Variants in RGS7 observed in about 807,000 individuals in gnomAD.
RGS7 encodes regulator of G protein signaling 7, also known as regulator of G-protein signaling 7.
Under a neutral mutation model 81.1 loss-of-function variants are expected in RGS7, and 27 were observed. That is an observed-to-expected ratio of 0.33 (90% CI 0.25 to 0.46). RGS7 has a LOEUF of 0.46. Ranked by LOEUF, RGS7 falls within the 20% of genes least tolerant of loss-of-function variation. The pLI is 1.00. For missense variants in RGS7, 396 were observed against 607.4 expected (o/e 0.65, Z 3.66); for synonymous variants, 208 against 207.7 (o/e 1.00, Z -0.01).
intron 2 of RGS7, among the ~76,000 whole-genome samples, chr1:241,131,313 T>C (rs1410194074): frequency 6.6e-6 from 1 of 152,216 alleles, no homozygotes; most frequent in East Asian, 1.9e-4. Flanking sequence ...AAGATGAGGA[T>C]GTTATTTCAC....
intron 3 of RGS7, among the ~76,000 whole-genome samples, chr1:241,019,009 C>T (rs1057029970): frequency 1.3e-5 from 2 of 152,086 alleles, no homozygotes; most frequent in Non-Finnish European, 2.9e-5. Context: ...CTTTCCCCTG[C>T]GAAGGCCATG....
At chr1:240,810,384 A>G (rs564081519) in intron 14 of RGS7, among the ~76,000 whole-genome samples, 1 of 151,848 alleles carries the variant, frequency 6.6e-6, no homozygotes, top group African/African-American at 2.4e-5. Context: ...AGGAATGTCC[A>G]TCTCCCTAGC....
chr1:240,842,966 C>T (rs574692005), intron 9 of RGS7, among the ~76,000 whole-genome samples: 6 of 151,918 alleles, frequency 3.9e-5, no homozygotes, highest in African/African-American at 7.3e-5. Context: ...AGTTCTAGAC[C>T]AGCCTGGCCA....
intron 9 of RGS7, among the ~76,000 whole-genome samples, chr1:240,831,277 A>T (rs1333060709): frequency 6.6e-6 from 1 of 152,206 alleles, no homozygotes; most frequent in Non-Finnish European, 1.5e-5. Context: ...CTTGAAGATT[A>T]AAAAAGCTTA....
intron 2 of RGS7, among the ~76,000 whole-genome samples, chr1:241,124,781 A>G (rs1438180095): frequency 2.0e-5 from 3 of 152,180 alleles, no homozygotes; most frequent in Non-Finnish European, 4.4e-5. Flanking sequence ...CATGTGAGAC[A>G]TATCTCGGGA....
chr1:241,184,036 G>A (rs2071874405), intron 2 of RGS7, among the ~76,000 whole-genome samples: 2 of 152,178 alleles, frequency 1.3e-5, no homozygotes, highest in Admixed American at 1.3e-4. Flanking sequence ...GTGGATCCTG[G>A]AAGCAAAGGC....
At chr1:240,821,251 G>A (rs180969651) in intron 10 of RGS7, among the ~76,000 whole-genome samples, 1 of 152,122 alleles carries the variant, frequency 6.6e-6, no homozygotes, top group Admixed American at 6.5e-5. Context: ...TCAGGAGTTC[G>A]AGACCAGTCT....
chr1:241,301,352 C>G (rs996003428), intron 2 of RGS7, among the ~76,000 whole-genome samples: 2 of 152,244 alleles, frequency 1.3e-5, no homozygotes, highest in African/African-American at 4.8e-5. Context: ...AACGAGTTCT[C>G]AAATTCCCTG....
chr1:240,855,020 T>C (rs141904357), intron 9 of RGS7, among the ~76,000 whole-genome samples: 25 of 152,244 alleles, frequency 1.6e-4, no homozygotes, highest in African/African-American at 5.8e-4. Context: ...CCACAATTTT[T>C]CAGAGTATAA....
intron 3 of RGS7, among the ~76,000 whole-genome samples, chr1:241,051,297 AACAG>A (rs1666441606): frequency 6.6e-6 from 1 of 152,166 alleles, no homozygotes; most frequent in African/African-American, 2.4e-5. Context: ...GAGATAAGGA[AACAG>A]ACATTTTGGA....
chr1:241,324,737 T>C (rs1392632303), intron 2 of RGS7, among the ~76,000 whole-genome samples: 1 of 152,230 alleles, frequency 6.6e-6, no homozygotes, highest in African/African-American at 2.4e-5. Context: ...CTATTCATTT[T>C]CTCTGGCTTT....
chr1:241,262,080 T>G (rs781760459), intron 2 of RGS7, among the ~76,000 whole-genome samples: 3 of 152,078 alleles, frequency 2.0e-5, no homozygotes, highest in Non-Finnish European at 4.4e-5. Context: ...GTCCTCAAAG[T>G]CTCAATTTCA....
intron 2 of RGS7, among the ~76,000 whole-genome samples, chr1:241,220,994 G>GAAGGAAGGAAGGAAGAAAGAAAGA (rs1553289421): frequency 2.7e-4 from 25 of 93,594 alleles, no homozygotes; most frequent in Admixed American, 2.4e-3. Flanking sequence ...AGGAAGGAAG[G>GAAGGAAGGAAGGAAGAAAGAAAGA]AAGAGAGAGA....
intron 2 of RGS7, among the ~76,000 whole-genome samples, chr1:241,112,450 A>T (rs1417807692): frequency 3.9e-5 from 6 of 152,184 alleles, no homozygotes; most frequent in Admixed American, 3.3e-4. Context: ...AAATGAAATT[A>T]AAAAGGGATT....
intron 3 of RGS7, among the ~76,000 whole-genome samples, chr1:240,984,968 T>C (rs2148565138): frequency 6.6e-6 from 1 of 152,306 alleles, no homozygotes; most frequent in East Asian, 1.9e-4. Flanking sequence ...ACAGCTGCCA[T>C]GGATTTAAAT....
intron 3 of RGS7, among the ~76,000 whole-genome samples, chr1:241,004,682 T>C (rs2148642184): frequency 6.6e-6 from 1 of 151,262 alleles, no homozygotes; most frequent in East Asian, 1.9e-4. Context: ...CTAGACTGAG[T>C]GGGGAAGCCC....
intron 3 of RGS7, among the ~76,000 whole-genome samples, chr1:240,988,023 A>T (rs1351028453): frequency 1.3e-5 from 2 of 152,248 alleles, no homozygotes; most frequent in East Asian, 3.9e-4. Context: ...AGAAAGAAAG[A>T]ATGTCTAGCG....
At position 241,193,652 on chromosome 1, in the gene RGS7, C is replaced by G. The variant is rs918868060; in HGVS notation, c.79-94890G>C. Among the ~76,000 whole-genome samples, 10 of 152,138 alleles carry G rather than the reference C, an allele frequency of 6.6e-5. 1 individual carries two copies. The highest frequency in any genetic ancestry group is 2.6e-4 in the Admixed American group (4 of 15,272). The stretch of plus-strand genomic sequence containing the variant: ...TCCGGAAGGATCTAGAGTACTTATA[C>G]AATTTGAGAAGATTGAGTTTCATAC... On this transcript the variant is annotated intron_variant, in intron 2 of 18. Transcript: ENST00000440928.
At chr1:240,929,914 C>T (rs261862) in intron 6 of RGS7, among the ~76,000 whole-genome samples, 144,850 of 152,318 alleles carry the variant, frequency 0.95, 68,890 homozygotes, top group East Asian at 1. Context: ...TCTGTATAAT[C>T]CTATTTTCCC....
Sources: gnomAD v4.1 joint callset for allele counts (sites outside exome capture counted in the v4.1 genomes callset) on GRCh38, gnomAD v4.1.1 for gene constraint, MANE v1.5 for transcripts, NCBI Gene and HGNC (gene_info 2026-07-23, HGNC 2026-07-21) for gene names.